GPC5: variants seen among roughly 807,000 people sequenced by gnomAD.
The protein encoded by GPC5 is glypican-5.
In GPC5, 47 loss-of-function variants were observed where a neutral mutation model predicts 53.9. That is an observed-to-expected ratio of 0.87 (90% CI 0.69 to 1.11). GPC5 has a LOEUF of 1.11. Ranked by LOEUF, GPC5 falls within the 50% of genes most tolerant of loss-of-function variation. The pLI, the probability that GPC5 is intolerant of heterozygous loss-of-function variation, is 0.00. For missense variants in GPC5, 748 were observed against 713.1 expected (o/e 1.05, Z -0.56); for synonymous variants, 286 against 263.3 (o/e 1.09, Z -0.84).
chr13:91,536,430 T>A (rs1886595634), intron 2 of GPC5, among the ~76,000 whole-genome samples: 1 of 152,204 alleles, frequency 6.6e-6, no homozygotes, highest in African/African-American at 2.4e-5. Flanking sequence ...AGATCTAGTC[T>A]CTTAAAGTCT....
At chr13:91,755,557 A>C (rs2037271737) in intron 4 of GPC5, among the ~76,000 whole-genome samples, 1 of 152,136 alleles carries the variant, frequency 6.6e-6, no homozygotes, top group Admixed American at 6.6e-5. Context: ...AAAACTGAAA[A>C]GTTTTTGGTT....
chr13:91,494,141 C>T (rs1170992207), intron 2 of GPC5, among the ~76,000 whole-genome samples: 5 of 151,822 alleles, frequency 3.3e-5, no homozygotes, highest in African/African-American at 1.2e-4. Context: ...CCACCCGCCT[C>T]GGCCTCTCAA....
chr13:92,029,399 C>T (rs1035340564), intron 6 of GPC5, among the ~76,000 whole-genome samples: 4 of 152,150 alleles, frequency 2.6e-5, no homozygotes, highest in East Asian at 1.9e-4. Context: ...AACTGCTGTA[C>T]GTTGTGTCTT....
chr13:91,441,564 A>G (rs557821037), intron 1 of GPC5, among the ~76,000 whole-genome samples: 1 of 152,290 alleles, frequency 6.6e-6, no homozygotes, highest in African/African-American at 2.4e-5. Flanking sequence ...AGTAGAGAGG[A>G]AGCTTTGCTT....
chr13:91,522,431 G>A (rs1036399887), intron 2 of GPC5, among the ~76,000 whole-genome samples: 6 of 152,170 alleles, frequency 3.9e-5, no homozygotes, highest in African/African-American at 1.2e-4. Flanking sequence ...CACATTTACA[G>A]TATCTGTACA....
chr13:91,974,981 C>T (rs1281623442), intron 6 of GPC5, among the ~76,000 whole-genome samples: 1 of 152,200 alleles, frequency 6.6e-6, no homozygotes, highest in Admixed American at 6.5e-5. Flanking sequence ...CTACAACCAT[C>T]TGATCTCTCA....
At position 92,658,935 on chromosome 13, in the gene GPC5, T is replaced by TTTG. The variant is rs1555299958; in HGVS notation, c.1562-207345_1562-207344insGTT. 127 of 135,508 alleles carry TTTG rather than the reference T, an allele frequency of 9.4e-4. 1 individual carries two copies. Among genetic ancestry groups the TTTG allele is most frequent in the African/African-American group, 3.1e-3 (115 of 37,342 alleles). 8.4% of individuals were successfully genotyped at this position (135,508 alleles called of 1,614,324 possible). On this transcript the variant is annotated intron_variant, in intron 7 of 7. Transcript: ENST00000377067. ...GTTGTATATGTTTTGTTTTTTTTTT[T>TTTG]TTTTTTTTTTTGAGACGGAGTCTCG...
chr13:92,501,426 G>T (rs778693489), intron 7 of GPC5, among the ~76,000 whole-genome samples: 6 of 152,086 alleles, frequency 3.9e-5, no homozygotes, highest in Non-Finnish European at 8.8e-5. Context: ...TGAAAAACAT[G>T]AACAATTGTT....
chr13:91,671,361 A>AGAC, intron 2 of GPC5, among the ~76,000 whole-genome samples: 1 of 152,138 alleles, frequency 6.6e-6, no homozygotes, highest in African/African-American at 2.4e-5. Context: ...TTCATTCATG[A>AGAC]TTTGGCTCTC....
chr13:92,064,810 C>CAAAATAAAT (rs2138857720), intron 6 of GPC5, among the ~76,000 whole-genome samples: 1 of 147,444 alleles, frequency 6.8e-6, no homozygotes, highest in Admixed American at 7.0e-5. Context: ...ATAATTATGA[C>CAAAATAAAT]AAAATAAATG....
chr13:92,270,850 A>G (rs16947232), intron 7 of GPC5, among the ~76,000 whole-genome samples: 9 of 152,078 alleles, frequency 5.9e-5, no homozygotes, highest in African/African-American at 2.2e-4. Context: ...TTACATTTGC[A>G]AAGATAACAG....
intron 7 of GPC5, among the ~76,000 whole-genome samples, chr13:92,654,010 C>A (rs1436365243): frequency 6.6e-6 from 1 of 152,240 alleles, no homozygotes; most frequent in Admixed American, 6.5e-5. Flanking sequence ...CTGTGTCCCA[C>A]ACTATCCCCC....
intron 7 of GPC5, among the ~76,000 whole-genome samples, chr13:92,382,862 G>A (rs1042385302): frequency 6.6e-6 from 1 of 151,964 alleles, no homozygotes; most frequent in Admixed American, 6.6e-5. Context: ...AATTAGCCAG[G>A]CGCGGTGGCG....
chr13:92,061,560 T>A (rs2041124017), intron 6 of GPC5, among the ~76,000 whole-genome samples: 1 of 152,074 alleles, frequency 6.6e-6, no homozygotes, highest in Non-Finnish European at 1.5e-5. Context: ...GAAATCAAGT[T>A]TTAAAAGTTA....
intron 7 of GPC5, among the ~76,000 whole-genome samples, chr13:92,503,014 ATAAC>A (rs1370394839): frequency 6.6e-6 from 1 of 152,008 alleles, no homozygotes; most frequent in Non-Finnish European, 1.5e-5. Context: ...AATCAACTAA[ATAAC>A]AAAGATAACA....
intron 2 of GPC5, among the ~76,000 whole-genome samples, chr13:91,575,058 G>A (rs1283463669): frequency 6.6e-6 from 1 of 152,064 alleles, no homozygotes; most frequent in Non-Finnish European, 1.5e-5. Context: ...GCAAGAAAAA[G>A]GTCTGAAGAG....
intron 7 of GPC5, among the ~76,000 whole-genome samples, chr13:92,173,419 C>A (rs900775034): frequency 2.6e-5 from 4 of 152,154 alleles, no homozygotes; most frequent in African/African-American, 9.7e-5. Flanking sequence ...ATTTTACTGC[C>A]ATATTGCTTT....
At chr13:91,781,259 C>G (rs1441703272) in intron 5 of GPC5, among the ~76,000 whole-genome samples, 1 of 152,200 alleles carries the variant, frequency 6.6e-6, no homozygotes, top group African/African-American at 2.4e-5. Context: ...GCTGCATTTT[C>G]TTGGCCAACA....
At chr13:92,181,741 C>T (rs2042148591) in intron 7 of GPC5, among the ~76,000 whole-genome samples, 1 of 152,082 alleles carries the variant, frequency 6.6e-6, no homozygotes, top group Non-Finnish European at 1.5e-5. Flanking sequence ...TATTGTATCC[C>T]ATTGTTTCTC....
Sources: allele counts gnomAD v4.1 joint callset (sites outside exome capture counted in the v4.1 genomes callset), GRCh38; gene constraint gnomAD v4.1.1; transcripts MANE v1.5; gene names NCBI Gene and HGNC (gene_info 2026-07-23, HGNC 2026-07-21).